RP1: variants seen among roughly 807,000 people sequenced by gnomAD.
The protein encoded by RP1 is oxygen-regulated protein 1.
In RP1, 16 loss-of-function variants were observed where a neutral mutation model predicts 14.8. The ratio of observed to expected loss-of-function variants is 1.08; its 90% CI spans 0.73 to 1.65. The LOEUF (loss-of-function observed/expected upper bound fraction) is 1.65, where lower values mean the gene tolerates loss of function less well. Among genes scored for constraint, RP1 ranks in the 40% most tolerant of loss-of-function variants. The pLI is 0.00. For missense variants in RP1, 2,631 were observed against 2,535.0 expected (o/e 1.04, Z -0.81); for synonymous variants, 876 against 883.6 (o/e 0.99, Z 0.15).
In RP1 at chr8:54,713,799, T is replaced by C. The variant is rs559280649; in HGVS notation, c.2212-6330T>C. ...ATCAAAAAATTTAAAAAACTTGATC[T>C]GAATAAAATTGTGTTTACATACATA... On this transcript the variant is annotated intron_variant, in intron 15 of 22. Transcript: ENST00000636932. Among the ~76,000 whole-genome samples, 5 of 152,346 alleles carry C rather than the reference T, an allele frequency of 3.3e-5. No individual in the cohort carries two copies. The South Asian group carries it at 8.3e-4, about 25-fold the overall frequency.
chr8:54,562,993 G>A lies in RP1; in HGVS notation c.-13+3673G>A, dbSNP rs188843100. On this transcript the variant is annotated intron_variant, in intron 1 of 22. Coordinates refer to the RP1 transcript ENST00000636932. The stretch of plus-strand genomic sequence containing the variant: ...GAGTCACCCTTTACTGAGGCCCCTG[G>A]TAGGCCCAGTCCTACAGCAGTCAAA... Among the ~76,000 whole-genome samples, 5 of 152,284 alleles carry A rather than the reference G, an allele frequency of 3.3e-5. No homozygotes were observed. The East Asian group carries it at 9.6e-4, about 29-fold the overall frequency.
rs937882206 is a variant in RP1 at position 54,676,598 on chromosome 8, T to G, written c.1403-1863T>G. ...TAAACAATGCCGGTTAATAAGACTT[T>G]TCTAGACTCTTACCCGTCCCTAATC... On this transcript the variant is annotated intron_variant, in intron 8 of 22. Transcript: ENST00000636932. Among the ~76,000 whole-genome samples, 6 of 152,194 alleles carry G rather than the reference T, an allele frequency of 3.9e-5. No homozygotes were observed. In the East Asian group the frequency reaches 1.2e-3, roughly 29 times the overall value.
chr8:54,656,510 C>T (rs971696872), intron 6 of RP1, among the ~76,000 whole-genome samples: 2 of 151,846 alleles, frequency 1.3e-5, no homozygotes, highest in Admixed American at 6.6e-5. Context: ...TGTCAAATGA[C>T]GTTCCTCCAG....
chr8:54,586,694 G>A (rs1315049611), intron 1 of RP1, among the ~76,000 whole-genome samples: 1 of 152,156 alleles, frequency 6.6e-6, no homozygotes, highest in Non-Finnish European at 1.5e-5. Context: ...CTTGGCAATG[G>A]TTGGCGCCCC....
At position 54,622,322 on chromosome 8, in the gene RP1, T is replaced by C. The variant is rs570242074; in HGVS notation, c.787+34T>C. 3.9e-5 allele frequency: 63 copies of C among 1,609,100 alleles called. No individual in the cohort carries two copies. In the East Asian group the frequency reaches 1.4e-3, roughly 35 times the overall value. On this transcript the variant is annotated intron_variant, in intron 3 of 3. Coordinates refer to ENST00000220676, the MANE Select transcript of RP1 (RefSeq NM_006269.2). ...CTTATTAATATATAGCCCATATTTTTAGCCCTGAGATTTTTTTTGCCTCAA... is the reference window on the plus strand; with the variant it reads ...CTTATTAATATATAGCCCATATTTTCAGCCCTGAGATTTTTTTTGCCTCAA...
At chr8:54,864,849 C>A (rs1278025299) in intron 27 of RP1, among the ~76,000 whole-genome samples, 4 of 152,118 alleles carry the variant, frequency 2.6e-5, no homozygotes, top group Non-Finnish European at 5.9e-5. Flanking sequence ...CCTTTATCAT[C>A]CACATGAATT....
exon 29 of RP1, chr8:54,869,847 C>G (rs1812545685): frequency 8.2e-7 from 1 of 1,224,472 alleles, no homozygotes; most frequent in East Asian, 3.2e-5. Flanking sequence ...TGGCAGATGG[C>G]TAGATGAGTA....
At chr8:54,755,704 G>A in exon 21 of RP1, 4 of 1,535,796 alleles carry the variant, frequency 2.6e-6, no homozygotes, top group South Asian at 2.4e-5. Flanking sequence ...TCTTTGGGGA[G>A]AGGGGAGACT....
chr8:54,561,399 G>A (rs1804283611), intron 1 of RP1, among the ~76,000 whole-genome samples: 1 of 152,128 alleles, frequency 6.6e-6, no homozygotes, highest in African/African-American at 2.4e-5. Context: ...AGCAATAGGT[G>A]TTTAGTTTCT....
chr8:54,706,511 T>A (rs1424928313), exon 15 of RP1: 1 of 1,535,770 alleles, frequency 6.5e-7, no homozygotes, highest in East Asian at 2.4e-5. Flanking sequence ...GTCTCCAGCC[T>A]GATGGAAGCT....
intron 14 of RP1, among the ~76,000 whole-genome samples, chr8:54,704,680 C>T (rs898797492): frequency 1.3e-5 from 2 of 152,098 alleles, no homozygotes; most frequent in Non-Finnish European, 2.9e-5. Flanking sequence ...AAGTGAAGTG[C>T]AAATAAACAA....
rs1805875705 is a variant in RP1 at position 54,621,512 on chromosome 8, A to G, written c.546A>G (p.Ala182=). ...GGAGGGTCACCCAGAGCTTCGAGGC[A>G]TTTCTACAGCACCTGACAGAGGTCA... is the stretch of plus-strand genomic sequence containing the variant. ...LSRRVTQSFE[A]FLQHLTEVMQ... Residue 182 remains alanine (A), a synonymous_variant, in exon 2 of 4, where the codon GCA becomes GCG. Coordinates refer to ENST00000220676, the MANE Select transcript of RP1 (RefSeq NM_006269.2). The G allele has an allele frequency of 6.2e-7, 1 of 1,614,122 alleles. No homozygotes were observed. The highest frequency in any genetic ancestry group is 1.3e-5 in the African/African-American group (1 of 75,042).
chr8:54,869,750 A>T, intron 28 of RP1: 1 of 465,446 alleles, frequency 2.1e-6, no homozygotes, highest in Non-Finnish European at 3.5e-6. Context: ...GGCCTCTTTA[A>T]ATTCTTTCCA....
chr8:54,712,305 C>T (rs769174072), intron 15 of RP1, among the ~76,000 whole-genome samples: 18 of 152,162 alleles, frequency 1.2e-4, no homozygotes, highest in Non-Finnish European at 2.6e-4. Context: ...CCACAGTTTT[C>T]TCATTTCCTT....
At position 54,651,635 on chromosome 8, in the gene RP1, C is replaced by T. The variant is rs116116380; in HGVS notation, c.952-1145C>T. 7.7e-3 allele frequency among the ~76,000 whole-genome samples: 1,164 copies of T among 152,120 alleles called. 19 individuals are homozygous for T. The highest frequency in any genetic ancestry group is 0.027 in the African/African-American group (1,105 of 41,504). ...TCTCTACTTTTATTTTTGATTTTAGCAATTCTCTTTGCTAACATCTAGATA... is the reference window on the plus strand; with the variant it reads ...TCTCTACTTTTATTTTTGATTTTAGTAATTCTCTTTGCTAACATCTAGATA... On this transcript the variant is annotated intron_variant, in intron 4 of 22. Coordinates refer to the RP1 transcript ENST00000636932.
intron 7 of RP1, among the ~76,000 whole-genome samples, chr8:54,666,343 A>G (rs967537058): frequency 1.3e-5 from 2 of 151,780 alleles, no homozygotes; most frequent in Non-Finnish European, 2.9e-5. Context: ...GCTCTGTGCT[A>G]AGCCTTATGT....
intron 1 of RP1, among the ~76,000 whole-genome samples, chr8:54,606,313 G>A (rs1471966822): frequency 1.3e-5 from 2 of 152,092 alleles, no homozygotes; most frequent in Non-Finnish European, 2.9e-5. Flanking sequence ...GCTTAGTTTG[G>A]CTTGATATGA....
In RP1 at chr8:54,628,303, A is replaced by G. The variant is rs1193243179; in HGVS notation, c.4421A>G (p.His1474Arg). The change falls in exon 4 of 4, where the codon CAT (histidine) becomes CGT (arginine). Residue 1474 changes from histidine (H) to arginine (R), a missense_variant. Coordinates refer to ENST00000220676, the MANE Select transcript of RP1 (RefSeq NM_006269.2). ...ELESFEELEN[H>R]DTDIFNTVVN... ...GAATCTTTTGAAGAATTAGAAAACC[A>G]TGACACTGATATCTTTAATACAGTG... The G allele has an allele frequency of 3.1e-6, 5 of 1,613,854 alleles. No homozygotes were observed. The highest frequency in any genetic ancestry group is 1.3e-5 in the African/African-American group (1 of 74,948).
chr8:54,822,573 T>C (rs1811282874), intron 24 of RP1, among the ~76,000 whole-genome samples: 1 of 152,220 alleles, frequency 6.6e-6, no homozygotes, highest in African/African-American at 2.4e-5. Flanking sequence ...TTTGAATATA[T>C]GAGTATTTTA....
Sources: allele counts gnomAD v4.1 joint callset (sites outside exome capture counted in the v4.1 genomes callset), GRCh38; gene constraint gnomAD v4.1.1; transcripts MANE v1.5; gene names NCBI Gene and HGNC (gene_info 2026-07-23, HGNC 2026-07-21).